HOXB7: variants seen among roughly 807,000 people sequenced by gnomAD.
HOXB7 encodes homeobox protein Hox-B7.
HOXB7 carries 11 observed loss-of-function variants against 19.2 expected under a neutral mutation model. That is an observed-to-expected ratio of 0.57 (90% CI 0.36 to 0.95). HOXB7 has a LOEUF of 0.95. Among genes scored for constraint, HOXB7 ranks in the 40% least tolerant of loss-of-function variants. HOXB7 has a pLI of 0.01. For synonymous variants in HOXB7, 141 were observed against 130.2 expected (o/e 1.08, Z -0.56); for missense variants, 318 against 301.1 (o/e 1.06, Z -0.42).
intron 1 of HOXB7, among the ~76,000 whole-genome samples, chr17:48,608,654 C>CT (rs980944915): frequency 6.6e-6 from 1 of 152,126 alleles, no homozygotes; most frequent in African/African-American, 2.4e-5. Flanking sequence ...TCCAAGAAGT[C>CT]TTTTTTAGCC....
Position 48,607,677 on chromosome 17 carries a change from T to A in HOXB7, c.*165A>T. 1.6e-6 allele frequency: 1 copy of A among 642,208 alleles called. No homozygotes were observed. Among genetic ancestry groups the A allele is most frequent in the Non-Finnish European group, 2.5e-6 (1 of 405,740 alleles). The allele number at this position is 642,208 out of a possible 1,614,324, so 39.8% of individuals were successfully genotyped here. ...TCCTTTCTCCCTCCTTAAAAAATGT[T>A]TTTAAACTCCTTTCATTTAAATAGG... On this transcript the variant is annotated 3_prime_UTR_variant, in exon 2 of 2. Transcript: ENST00000239165.
At position 48,610,572 on chromosome 17, in the gene HOXB7, G is replaced by A. The variant is rs377243732; in HGVS notation, c.347C>T (p.Ser116Leu). ...KAAGAKEQRDSDLAAESNFRI... is the reference protein window; with the variant it reads ...KAAGAKEQRDLDLAAESNFRI... ...GAAGTTACTCTCGGCCGCCAAGTCC[G>A]AGTCCCTCTGCTCCTTGGCGCCCGC... The change falls in exon 1 of 2, where the codon TCG becomes TTG. Residue 116 changes from serine to leucine, a missense_variant. Coordinates refer to ENST00000239165, the MANE Select transcript of HOXB7 (RefSeq NM_004502.4). 15 of 1,539,046 alleles carry A rather than the reference G, an allele frequency of 9.7e-6. No homozygotes were observed. The highest frequency in any genetic ancestry group is 8.3e-5 in the African/African-American group (6 of 72,352).
At position 48,610,821 on chromosome 17, in the gene HOXB7, G is replaced by A. The variant is rs750034805; in HGVS notation, c.98C>T (p.Ala33Val). The A allele has an allele frequency of 4.4e-6, 7 of 1,583,776 alleles. No individual in the cohort carries two copies. The highest frequency in any genetic ancestry group is 3.4e-4 in the Middle Eastern group (2 of 5,928). Residue 33 changes from alanine (A) to valine (V), a missense_variant, in exon 1 of 2, where the codon GCG becomes GTG. By Grantham distance (64) the Ala-to-Val change is moderately conservative (BLOSUM62 0). Coordinates refer to ENST00000239165, the MANE Select transcript of HOXB7 (RefSeq NM_004502.4). Reference protein sequence around the residue: ...TGAFPEQTSCAFASNPQRPGY... With the variant: ...TGAFPEQTSCVFASNPQRPGY... ...CGGGCGCTGGGGGTTGGAAGCAAAC[G>A]CACAAGAAGTTTGTTCTGGGAAGGC... is the stretch of plus-strand genomic sequence containing the variant.
In HOXB7 at chr17:48,610,595, C is replaced by A; in HGVS notation, c.324G>T (p.Ala108=). Residue 108 remains alanine, a synonymous_variant, in exon 1 of 2, where the codon GCG becomes GCT. Coordinates refer to ENST00000239165, the MANE Select transcript of HOXB7 (RefSeq NM_004502.4). ...CCGAGTCCCTCTGCTCCTTGGCGCC[C>A]GCCGCCTTGGCGGAGTCGCCGGGAC... ...GVCPGDSAKA[A]GAKEQRDSDL... is the part of the protein sequence containing the mutation. The A allele has an allele frequency of 6.4e-7, 1 of 1,551,310 alleles. No homozygotes were observed. Among genetic ancestry groups the A allele is most frequent in the East Asian group, 2.4e-5 (1 of 40,974 alleles).
rs1329657682 is a variant in HOXB7 at position 48,607,936 on chromosome 17, T to C, written c.560A>G (p.Asn187Ser). The change falls in exon 2 of 2, where the codon AAC becomes AGC. Residue 187 changes from asparagine (N) to serine (S), a missense_variant. Coordinates refer to ENST00000239165, the MANE Select transcript of HOXB7 (RefSeq NM_004502.4). Reference sequence around the variant, plus strand: ...CTCCTTTTTCCACTTCATGCGCCGGTTCTGAAACCAAATCTTGATCTGTCT... The same window carrying C: ...CTCCTTTTTCCACTTCATGCGCCGGCTCTGAAACCAAATCTTGATCTGTCT... ...TERQIKIWFQ[N>S]RRMKWKKENK... 1 of 1,614,038 alleles carries C rather than the reference T, an allele frequency of 6.2e-7. No individual in the cohort carries two copies. Among genetic ancestry groups the C allele is most frequent in the Non-Finnish European group, 8.5e-7 (1 of 1,180,030 alleles).
chr17:48,608,582 G>A (rs1026093990), intron 1 of HOXB7, among the ~76,000 whole-genome samples: 7 of 152,166 alleles, frequency 4.6e-5, no homozygotes, highest in African/African-American at 1.7e-4. Flanking sequence ...TACTCCAGCT[G>A]CAAACTCCCC....
In HOXB7 at chr17:48,610,686, T is replaced by A; in HGVS notation, c.233A>T (p.Tyr78Phe). Reference sequence around the variant, plus strand: ...GTTGAAGGAACTCGGCTCGAGCCCATAGCCGGCCGCGTAGACGCCGGCCGC... The same window carrying A: ...GTTGAAGGAACTCGGCTCGAGCCCAAAGCCGGCCGCGTAGACGCCGGCCGC... Reference protein sequence around the residue: ...QSAAGVYAAGYGLEPSSFNMH... With the variant: ...QSAAGVYAAGFGLEPSSFNMH... The change falls in exon 1 of 2, where the codon TAT (tyrosine) becomes TTT (phenylalanine). Residue 78 changes from tyrosine to phenylalanine, a missense_variant. Transcript: ENST00000239165. 6.4e-7 allele frequency: 1 copy of A among 1,574,302 alleles called. No individual in the cohort carries two copies. The highest frequency in any genetic ancestry group is 8.6e-7 in the Non-Finnish European group (1 of 1,161,226).
In HOXB7 at chr17:48,607,893, C is replaced by G. The variant is rs760555343; in HGVS notation, c.603G>C (p.Pro201=). 1 of 1,614,094 alleles carries G rather than the reference C, an allele frequency of 6.2e-7. No individual in the cohort carries two copies. The highest frequency in any genetic ancestry group is 8.5e-7 in the Non-Finnish European group (1 of 1,180,018). The part of the protein sequence containing the change: ...KWKKENKTAG[P]GTTGQDRAEA... Reference sequence around the variant, plus strand: ...CAGCCCTGTCTTGGCCGGTGGTCCCCGGGCCCGCGGTCTTGTTCTCCTTTT... The same window carrying G: ...CAGCCCTGTCTTGGCCGGTGGTCCCGGGGCCCGCGGTCTTGTTCTCCTTTT... The change falls in exon 2 of 2, where the codon CCG becomes CCC. Residue 201 remains proline, a synonymous_variant. Coordinates refer to ENST00000239165, the MANE Select transcript of HOXB7 (RefSeq NM_004502.4).
At chr17:48,608,423 C>CAA (rs71144507) in intron 1 of HOXB7, 2,213 of 67,642 alleles carry the variant, frequency 0.033, 59 homozygotes, top group Non-Finnish European at 0.041. Flanking sequence ...GACTCCGTCT[C>CAA]AAAAAAAAAA....
Position 48,610,599 on chromosome 17 carries a change from GC to G in HOXB7, c.319del (p.Ala107ArgfsTer56). On this transcript the variant is annotated frameshift_variant, in exon 1 of 2. Coordinates refer to ENST00000239165, the MANE Select transcript of HOXB7 (RefSeq NM_004502.4). LOFTEE classifies it high-confidence loss of function. Reference protein sequence around the residue: ...SGVCPGDSAKAAGAKEQRDSD... With the variant: ...SGVCPGDSAKXAGAKEQRDSD... ...GTCCCTCTGCTCCTTGGCGCCCGCC[GC>G]CTTGGCGGAGTCGCCGGGACACACC... is the stretch of plus-strand genomic sequence containing the variant. 1 of 1,552,482 alleles carries G rather than the reference GC, an allele frequency of 6.4e-7. No homozygotes were observed. The highest frequency in any genetic ancestry group is 8.7e-7 in the Non-Finnish European group (1 of 1,147,508).
In HOXB7 at chr17:48,607,703, GTTTT is replaced by G; in HGVS notation, c.*135_*138del. The G allele has an allele frequency of 1.6e-6, 1 of 627,438 alleles. No individual in the cohort carries two copies. The highest frequency in any genetic ancestry group is 2.4e-6 in the Non-Finnish European group (1 of 412,712). 38.9% of individuals were successfully genotyped at this position (627,438 alleles called of 1,614,324 possible). A position where few individuals can be genotyped will look rare whatever the true frequency, so the allele number is the denominator to read the frequency against. On this transcript the variant is annotated 3_prime_UTR_variant, in exon 2 of 2. Transcript: ENST00000239165. The stretch of plus-strand genomic sequence containing the variant: ...TTTAAACTCCTTTCATTTAAATAGG[GTTTT>G]TTTTTTGTTTTTTTTGTTTTTTGTT...
intron 1 of HOXB7, 131 bp downstream of exon 1, chr17:48,610,388 A>C: frequency 1.1e-6 from 1 of 874,312 alleles, no homozygotes; most frequent in Non-Finnish European, 1.6e-6. Flanking sequence ...CAGTGGGTGC[A>C]GCCTTCCAGG....
In HOXB7 at chr17:48,609,391, G is replaced by A. The variant is rs75508640; in HGVS notation, c.400+1128C>T. ...GGGGCTTTGATAAATCAACTGGAAA[G>A]GCAGTTAAACTATGGAGCAGGTAAT... On this transcript the variant is annotated intron_variant, in intron 1 of 1. Transcript: ENST00000239165. Among the ~76,000 whole-genome samples the A allele has an allele frequency of 5.3e-3, 806 of 152,312 alleles. 6 individuals carry two copies. The highest frequency in any genetic ancestry group is 9.0e-3 in the Non-Finnish European group (612 of 68,032).
chr17:48,609,533 G>C lies in HOXB7; in HGVS notation c.400+986C>G, dbSNP rs1406879492. Among the ~76,000 whole-genome samples the C allele has an allele frequency of 2.0e-5, 3 of 152,334 alleles. No homozygotes were observed. The East Asian group carries it at 5.8e-4, about 29-fold the overall frequency. ...TTGGGTCTTCTGGACTTTGGGGCTA[G>C]CCCCTAAGTTCGTCTGCTTTGGAAC... is the stretch of plus-strand genomic sequence containing the variant. On this transcript the variant is annotated intron_variant, in intron 1 of 1. Coordinates refer to ENST00000239165, the MANE Select transcript of HOXB7 (RefSeq NM_004502.4).
Position 48,608,015 on chromosome 17 carries a change from A to G in HOXB7, c.481T>C (p.Tyr161His). The G allele has an allele frequency of 6.2e-7, 1 of 1,614,190 alleles. No homozygotes were observed. The highest frequency in any genetic ancestry group is 1.7e-5 in the Admixed American group (1 of 60,024). Residue 161 changes from tyrosine (Y) to histidine (H), a missense_variant, in exon 2 of 2, where the codon TAC (tyrosine) becomes CAC (histidine). By Grantham distance (83) the Tyr-to-His change is moderately conservative. Transcript: ENST00000239165. ...TCGATGCGCCGCCGCCGCGTCAGGT[A>G]GCGATTGTAGTGAAATTCTTTCTCC... ...ELEKEFHYNR[Y>H]LTRRRRIEIA...
rs2070604917 is a variant in HOXB7 at position 48,608,056 on chromosome 17, T to A, written c.440A>T (p.Tyr147Phe). ...TTCTTTCTCCAGCTCCAGGGTCTGG[T>A]AGCGGGTGTAGGTCTGGCGGCCTCG... is the stretch of plus-strand genomic sequence containing the variant. ...RKRGRQTYTR[Y>F]QTLELEKEFH... is the part of the protein sequence containing the mutation. Residue 147 changes from tyrosine (Y) to phenylalanine (F), a missense_variant, in exon 2 of 2, where the codon TAC becomes TTC. Coordinates refer to ENST00000239165, the MANE Select transcript of HOXB7 (RefSeq NM_004502.4). The A allele has an allele frequency of 1.2e-6, 2 of 1,614,066 alleles. No individual in the cohort carries two copies. Among genetic ancestry groups the A allele is most frequent in the South Asian group, 2.2e-5 (2 of 91,088 alleles).
chr17:48,607,674 T>A lies in HOXB7; in HGVS notation c.*168A>T, dbSNP rs1184888739. 6 of 612,210 alleles carry A rather than the reference T, an allele frequency of 9.8e-6. No homozygotes were observed. Among genetic ancestry groups the A allele is most frequent in the African/African-American group, 7.5e-5 (4 of 53,176 alleles). The allele number at this position is 612,210 out of a possible 1,614,324, so 37.9% of individuals were successfully genotyped here. The stretch of plus-strand genomic sequence containing the variant: ...TTCTCCTTTCTCCCTCCTTAAAAAA[T>A]GTTTTTAAACTCCTTTCATTTAAAT... On this transcript the variant is annotated 3_prime_UTR_variant, in exon 2 of 2. Coordinates refer to ENST00000239165, the MANE Select transcript of HOXB7 (RefSeq NM_004502.4).
intron 1 of HOXB7, 129 bp from the exon 2 acceptor site, chr17:48,608,224 C>T: frequency 8.3e-7 from 1 of 1,201,770 alleles, no homozygotes; most frequent in Non-Finnish European, 1.1e-6. Context: ...GAGATCGAGA[C>T]CAACCTGGCT....
chr17:48,608,188 C>A, intron 1 of HOXB7, 93 bp from the exon 2 acceptor site: 1 of 1,472,938 alleles, frequency 6.8e-7, no homozygotes. Flanking sequence ...CTTTGGGAGA[C>A]CGAGGCGGGC....
Sources: gnomAD v4.1 joint callset for allele counts (sites outside exome capture counted in the v4.1 genomes callset) on GRCh38, gnomAD v4.1.1 for gene constraint, MANE v1.5 for transcripts, NCBI Gene and HGNC (gene_info 2026-07-23, HGNC 2026-07-21) for gene names.